MBNL2: variants seen among roughly 807,000 people sequenced by gnomAD.
MBNL2 encodes the protein muscleblind like splicing regulator 2.
Under a neutral mutation model 41.9 loss-of-function variants are expected in MBNL2, and 17 were observed. That is an observed-to-expected ratio of 0.41 (90% CI 0.28 to 0.61). The LOEUF is 0.61. Ranked by LOEUF, MBNL2 falls within the 20% of genes least tolerant of loss-of-function variation. The pLI, the probability that MBNL2 is intolerant of heterozygous loss-of-function variation, is 0.35. For missense variants in MBNL2, 336 were observed against 505.6 expected (o/e 0.66, Z 3.22); for synonymous variants, 195 against 182.9 (o/e 1.07, Z -0.53).
At chr13:97,172,089 T>C in the MBNL2 span, among the ~76,000 whole-genome samples, 2 of 152,296 alleles carry the variant, frequency 1.3e-5, no homozygotes, top group African/African-American at 4.8e-5. Context: ...GGTCTGCCAC[T>C]TTATTTTCAT....
At chr13:97,159,786 C>T in the MBNL2 span, among the ~76,000 whole-genome samples, 1 of 151,632 alleles carries the variant, frequency 6.6e-6, no homozygotes, top group African/African-American at 2.4e-5. Flanking sequence ...TGATGGGCTT[C>T]CCTTTGAGGG....
intron 2 of MBNL2, among the ~76,000 whole-genome samples, chr13:97,312,017 A>G (rs1342125388): frequency 6.6e-6 from 1 of 152,230 alleles, no homozygotes. Context: ...CTGATGACTA[A>G]AAACTAGCTC....
At chr13:97,198,780 C>G in the MBNL2 span, among the ~76,000 whole-genome samples, 1 of 152,090 alleles carries the variant, frequency 6.6e-6, no homozygotes, top group African/African-American at 2.4e-5. Context: ...CCCATTGAAT[C>G]TATCCTCAAA....
intron 1 of MBNL2, 89 bp downstream of exon 1, chr13:97,222,620 A>C: frequency 2.5e-6 from 1 of 395,454 alleles, no homozygotes; most frequent in Non-Finnish European, 4.5e-6. Context: ...GAGCCAGGGA[A>C]ACTGGATTCC....
chr13:97,353,487 T>G (rs1203652757), intron 5 of MBNL2, among the ~76,000 whole-genome samples: 1 of 152,244 alleles, frequency 6.6e-6, no homozygotes, highest in African/African-American at 2.4e-5. Context: ...GACTTCCATA[T>G]AGAAACCCCA....
At chr13:97,374,494 A>G (rs542794872) in intron 8 of MBNL2, among the ~76,000 whole-genome samples, 1 of 148,570 alleles carries the variant, frequency 6.7e-6, no homozygotes, top group Non-Finnish European at 1.5e-5. Flanking sequence ...CCCAGGTTCA[A>G]ATGATTCTTC....
intron 1 of MBNL2, among the ~76,000 whole-genome samples, chr13:97,258,612 T>C (rs1367015479): frequency 1.3e-5 from 2 of 152,210 alleles, no homozygotes; most frequent in Non-Finnish European, 2.9e-5. Flanking sequence ...TTTCCCACAG[T>C]GTTCAAGTAA....
chr13:97,183,197 C>T, the MBNL2 span, among the ~76,000 whole-genome samples: 1 of 152,110 alleles, frequency 6.6e-6, no homozygotes, highest in African/African-American at 2.4e-5. Flanking sequence ...ATTTTCTCTT[C>T]TGTTTTCATG....
intron 1 of MBNL2, among the ~76,000 whole-genome samples, chr13:97,271,635 TGTGTTCTCA>T (rs941926073): frequency 6.6e-5 from 10 of 152,114 alleles, no homozygotes; most frequent in African/African-American, 2.4e-4. Flanking sequence ...TCTGTGTCCA[TGTGTTCTCA>T]GTGTTTAACT....
chr13:97,153,361 T>G, the MBNL2 span, among the ~76,000 whole-genome samples: 1 of 151,826 alleles, frequency 6.6e-6, no homozygotes, highest in Admixed American at 6.6e-5. Flanking sequence ...GGGGAAGAAG[T>G]GAAAAATCAA....
rs1353214915 is a variant in MBNL2 at position 97,270,630 on chromosome 13, T to TA, written c.-604-5002_-604-5001insA. Among the ~76,000 whole-genome samples the TA allele has an allele frequency of 2.0e-5, 3 of 152,342 alleles. No individual in the cohort carries two copies. In the East Asian group the frequency reaches 5.8e-4, roughly 29 times the overall value. ...AGTTTCTCAGTTTCACTAGCCACAA[T>TA]TCAGGTGCTTGATTGATATGTTGCT... On this transcript the variant is annotated intron_variant, in intron 1 of 8. Coordinates refer to ENST00000679496, the MANE Select transcript of MBNL2 (RefSeq NM_001382683.1).
At chr13:97,201,195 C>T in the MBNL2 span, among the ~76,000 whole-genome samples, 1 of 152,140 alleles carries the variant, frequency 6.6e-6, no homozygotes, top group African/African-American at 2.4e-5. Flanking sequence ...AGTCATCTGC[C>T]CATAAGAAGA....
At chr13:97,295,058 A>G (rs1433938805) in intron 2 of MBNL2, among the ~76,000 whole-genome samples, 2 of 152,184 alleles carry the variant, frequency 1.3e-5, no homozygotes, top group African/African-American at 2.4e-5. Context: ...ATGGAAATGA[A>G]TGAACTGGAT....
At chr13:97,375,547 G>GA (rs1189071248) in intron 8 of MBNL2, among the ~76,000 whole-genome samples, 1 of 152,134 alleles carries the variant, frequency 6.6e-6, no homozygotes, top group African/African-American at 2.4e-5. Context: ...AGGGCAAAGA[G>GA]AAAAGGGAAC....
At chr13:97,193,720 G>A in the MBNL2 span, among the ~76,000 whole-genome samples, 1 of 152,300 alleles carries the variant, frequency 6.6e-6, no homozygotes, top group Middle Eastern at 3.4e-3. Context: ...TGTCTGGAAA[G>A]GAAACCACAG....
intron 8 of MBNL2, among the ~76,000 whole-genome samples, chr13:97,375,407 C>A (rs766735764): frequency 1.3e-5 from 2 of 152,182 alleles, no homozygotes; most frequent in Non-Finnish European, 2.9e-5. Context: ...GGAAAGTAAG[C>A]GCCATGGCAT....
chr13:97,288,138 C>T (rs1028838565), intron 2 of MBNL2, among the ~76,000 whole-genome samples: 12 of 151,732 alleles, frequency 7.9e-5, no homozygotes, highest in Admixed American at 6.6e-4. Context: ...TCCATAATGC[C>T]TTTACTTGGC....
At chr13:97,175,546 T>A in the MBNL2 span, among the ~76,000 whole-genome samples, 1 of 152,194 alleles carries the variant, frequency 6.6e-6, no homozygotes, top group Non-Finnish European at 1.5e-5. Flanking sequence ...GCTGAAGATG[T>A]CACTGGTGTT....
chr13:97,240,790 G>A, intron 1 of MBNL2, among the ~76,000 whole-genome samples: 1 of 152,160 alleles, frequency 6.6e-6, no homozygotes, highest in South Asian at 2.1e-4. Flanking sequence ...GGAGGGCTGG[G>A]CTACATTTGG....
Sources: gnomAD v4.1 joint callset for allele counts (sites outside exome capture counted in the v4.1 genomes callset) on GRCh38, gnomAD v4.1.1 for gene constraint, MANE v1.5 for transcripts, NCBI Gene and HGNC (gene_info 2026-07-23, HGNC 2026-07-21) for gene names.